The following SYT15B variants were observed in gnomAD, a reference collection of about 807,000 sequenced individuals.
SYT15B encodes the protein synaptotagmin 15B.
the SYT15B span, among the ~76,000 whole-genome samples, chr10:47,762,375 G>C: frequency 7.6e-6 from 1 of 131,854 alleles, no homozygotes; most frequent in African/African-American, 2.8e-5. Flanking sequence ...TTAGGGTGAC[G>C]TGCGGCCGCG....
At chr10:47,756,624 C>G in the SYT15B span, among the ~76,000 whole-genome samples, 1 of 152,256 alleles carries the variant, frequency 6.6e-6, no homozygotes, top group East Asian at 1.9e-4. Flanking sequence ...AGTGGAAGGT[C>G]TGGATCCTGC....
At chr10:47,748,432 C>CA in the SYT15B span, among the ~76,000 whole-genome samples, 2 of 151,734 alleles carry the variant, frequency 1.3e-5, no homozygotes, top group Admixed American at 6.6e-5. Flanking sequence ...AGGTTGGTCT[C>CA]AAACTTCTGA....
chr10:47,746,635 G>A, the SYT15B span, among the ~76,000 whole-genome samples: 37 of 125,786 alleles, frequency 2.9e-4, no homozygotes, highest in Non-Finnish European at 4.6e-4. Context: ...CTGAGATGGC[G>A]CCACTGCACT....
At chr10:47,747,616 TC>T in the SYT15B span, among the ~76,000 whole-genome samples, 1 of 142,016 alleles carries the variant, frequency 7.0e-6, no homozygotes, top group Non-Finnish European at 1.5e-5. Flanking sequence ...TGGTAAACCC[TC>T]CCTTGAGACA....
chr10:47,745,413 G>GAA, the SYT15B span, among the ~76,000 whole-genome samples: 1 of 150,046 alleles, frequency 6.7e-6, no homozygotes, highest in Non-Finnish European at 1.5e-5. Context: ...CCAAATGTGA[G>GAA]GCACTCAGAT....
chr10:47,762,892 G>C, the SYT15B span: 1 of 1,431,574 alleles, frequency 7.0e-7, no homozygotes, highest in Non-Finnish European at 9.2e-7. Context: ...GCGCAGAGCC[G>C]ACCGTGAGCT....
the SYT15B span, among the ~76,000 whole-genome samples, chr10:47,755,486 A>G: frequency 6.7e-6 from 1 of 148,522 alleles, no homozygotes; most frequent in East Asian, 2.0e-4. Flanking sequence ...CGATCTCCTG[A>G]CCTCGTGATC....
the SYT15B span, among the ~76,000 whole-genome samples, chr10:47,755,550 C>G: frequency 2.2e-5 from 3 of 138,656 alleles, no homozygotes; most frequent in Non-Finnish European, 4.6e-5. Context: ...CCACCGTGCC[C>G]GGCCCTTTTT....
At chr10:47,763,155 G>A in the SYT15B span, 1 of 989,380 alleles carries the variant, frequency 1.0e-6, no homozygotes, top group East Asian at 1.1e-4. Flanking sequence ...CCCCGGCTCG[G>A]GGGAGCCTTC....
the SYT15B span, among the ~76,000 whole-genome samples, chr10:47,758,899 AG>A: frequency 1.2e-4 from 2 of 16,156 alleles, no homozygotes; most frequent in Non-Finnish European, 2.7e-4. Context: ...GCTCTCAGCC[AG>A]GGCGGAAGGC....
At chr10:47,747,093 C>T in the SYT15B span, among the ~76,000 whole-genome samples, 1 of 143,534 alleles carries the variant, frequency 7.0e-6, no homozygotes, top group Non-Finnish European at 1.5e-5. Flanking sequence ...AAGAAAAACA[C>T]AAGGAGGCAA....
At chr10:47,750,919 G>T in the SYT15B span, 1 of 150,958 alleles carries the variant, frequency 6.6e-6, no homozygotes, top group Non-Finnish European at 1.5e-5. Context: ...ACATTCAACA[G>T]TCAATTAGTA....
At chr10:47,762,593 A>AGAGGGGCCGGGGCTGGGCTGGG in the SYT15B span, 1 of 427,108 alleles carries the variant, frequency 2.3e-6, no homozygotes, top group Non-Finnish European at 3.8e-6. Flanking sequence ...GAAGGGTCGC[A>AGAGGGGCCGGGGCTGGGCTGGG]GAGGGGCCGG....
the SYT15B span, among the ~76,000 whole-genome samples, chr10:47,762,166 C>T: frequency 2.9e-3 from 435 of 150,886 alleles, 3 homozygotes; most frequent in Non-Finnish European, 5.0e-3. Flanking sequence ...CTCCCCTAGC[C>T]CTCTATCAAG....
the SYT15B span, among the ~76,000 whole-genome samples, chr10:47,748,141 G>A: frequency 1.3e-5 from 2 of 151,898 alleles, no homozygotes; most frequent in East Asian, 3.9e-4. Context: ...TTCCAAAACT[G>A]ATAAAGCTTT....
the SYT15B span, among the ~76,000 whole-genome samples, chr10:47,758,896 GC>G: frequency 2.6e-4 from 4 of 15,326 alleles, no homozygotes; most frequent in Non-Finnish European, 5.8e-4. Flanking sequence ...CCAGCTCTCA[GC>G]CAGGGCGGAA....
the SYT15B span, among the ~76,000 whole-genome samples, chr10:47,755,330 A>T: frequency 6.6e-6 from 1 of 151,648 alleles, no homozygotes; most frequent in Non-Finnish European, 1.5e-5. Flanking sequence ...ATCTCGGCTC[A>T]CTGCAAGCTC....
At chr10:47,761,701 C>T in the SYT15B span, 3 of 1,508,088 alleles carry the variant, frequency 2.0e-6, no homozygotes, top group Non-Finnish European at 2.7e-6. Flanking sequence ...CACTCTCCCT[C>T]ACAGCCCTGG....
At chr10:47,761,424 C>A in the SYT15B span, 1 of 543,176 alleles carries the variant, frequency 1.8e-6, no homozygotes, top group African/African-American at 2.1e-5. Flanking sequence ...CGCACTTGGC[C>A]CCACATCCTG....
Sources: gnomAD v4.1 joint callset for allele counts (sites outside exome capture counted in the v4.1 genomes callset) on GRCh38, gnomAD v4.1.1 for gene constraint, MANE v1.5 for transcripts, NCBI Gene and HGNC (gene_info 2026-07-23, HGNC 2026-07-21) for gene names.